Variants in PTPRM observed in about 807,000 individuals in gnomAD.
PTPRM encodes receptor-type tyrosine-protein phosphatase mu.
A neutral mutation model predicts 186.7 loss-of-function variants in PTPRM; 47 were observed. That is an observed-to-expected ratio of 0.25 (90% CI 0.20 to 0.32). The LOEUF (loss-of-function observed/expected upper bound fraction) is 0.32, where lower values mean the gene tolerates loss of function less well. Ranked by LOEUF, PTPRM falls within the 10% of genes least tolerant of loss-of-function variation. PTPRM has a pLI of 1.00. For missense variants in PTPRM, 1,494 were observed against 1,865.0 expected (o/e 0.80, Z 3.66); for synonymous variants, 668 against 674.9 (o/e 0.99, Z 0.16).
intron 22 of PTPRM, among the ~76,000 whole-genome samples, chr18:8,326,985 A>G (rs2095381125): frequency 1.3e-5 from 2 of 152,222 alleles, no homozygotes; most frequent in Admixed American, 1.3e-4. Context: ...GACAAAGCAG[A>G]GTAGGTCTTA....
chr18:8,368,109 T>C (rs1281256709), intron 23 of PTPRM, among the ~76,000 whole-genome samples: 5 of 151,792 alleles, frequency 3.3e-5, no homozygotes, highest in Non-Finnish European at 7.4e-5. Context: ...ATATGTAGTT[T>C]TATATCTATC....
intron 7 of PTPRM, among the ~76,000 whole-genome samples, chr18:8,041,347 G>A (rs961614721): frequency 1.3e-5 from 2 of 152,038 alleles, no homozygotes; most frequent in African/African-American, 4.8e-5. Flanking sequence ...TACTCTTTCA[G>A]CTCCTTGGTG....
intron 19 of PTPRM, among the ~76,000 whole-genome samples, chr18:8,282,358 A>C (rs1230797556): frequency 6.6e-6 from 1 of 152,218 alleles, no homozygotes; most frequent in Non-Finnish European, 1.5e-5. Context: ...ATCTTTAAGC[A>C]GTTCTTAAAA....
intron 6 of PTPRM, among the ~76,000 whole-genome samples, chr18:7,952,815 G>A (rs147341800): frequency 0.022 from 3,285 of 152,158 alleles, 45 homozygotes; most frequent in African/African-American, 0.044. Context: ...AGACCAGCCC[G>A]GCCAACATGG....
intron 7 of PTPRM, among the ~76,000 whole-genome samples, chr18:7,962,833 G>A (rs2053770164): frequency 6.6e-6 from 1 of 152,204 alleles, no homozygotes; most frequent in Non-Finnish European, 1.5e-5. Flanking sequence ...TTTCTGTACA[G>A]AATTATCACT....
intron 14 of PTPRM, among the ~76,000 whole-genome samples, chr18:8,204,072 C>T (rs2093894031): frequency 6.6e-6 from 1 of 152,056 alleles, no homozygotes; most frequent in African/African-American, 2.4e-5. Flanking sequence ...AAAAATAAAC[C>T]CAAGAAATTC....
chr18:7,953,674 C>G (rs1215807376), intron 6 of PTPRM, among the ~76,000 whole-genome samples: 1 of 152,160 alleles, frequency 6.6e-6, no homozygotes, highest in Non-Finnish European at 1.5e-5. Context: ...AGACAACCAA[C>G]TCAACAAAGG....
chr18:8,244,751 A>G (rs1044013023), intron 15 of PTPRM, among the ~76,000 whole-genome samples: 2 of 152,126 alleles, frequency 1.3e-5, no homozygotes, highest in African/African-American at 4.8e-5. Flanking sequence ...GCCTTCCCAT[A>G]CTACTACCTG....
At chr18:7,966,687 G>A (rs986379360) in intron 7 of PTPRM, among the ~76,000 whole-genome samples, 3 of 147,776 alleles carry the variant, frequency 2.0e-5, no homozygotes, top group Non-Finnish European at 4.5e-5. Flanking sequence ...GTCAAAGAAA[G>A]GGGTGACGGG....
chr18:7,794,138 C>T (rs894955293), intron 2 of PTPRM, among the ~76,000 whole-genome samples: 1 of 152,174 alleles, frequency 6.6e-6, no homozygotes, highest in African/African-American at 2.4e-5. Context: ...TCCAATCTCA[C>T]GTGTGATCTG....
intron 1 of PTPRM, among the ~76,000 whole-genome samples, chr18:7,653,132 T>TATTATTATTATTATTATTATC: frequency 6.7e-6 from 1 of 149,260 alleles, no homozygotes; most frequent in Non-Finnish European, 1.5e-5. Context: ...TTATTATTAT[T>TATTATTATTATTATTATTATC]ATTATTATTA....
At chr18:8,324,577 G>A (rs1456131530) in intron 22 of PTPRM, among the ~76,000 whole-genome samples, 1 of 152,146 alleles carries the variant, frequency 6.6e-6, no homozygotes, top group African/African-American at 2.4e-5. Flanking sequence ...AAAGGTATTT[G>A]AACTTCCTAA....
At position 8,318,073 on chromosome 18, in the gene PTPRM, A is replaced by G. The variant is rs180802850; in HGVS notation, c.2920-1105A>G. ...GTTTTTAAGGGCAAAATGATCTAACATGTGCATTTAAGTTATCTGAGAAAT... is the reference window on the plus strand; with the variant it reads ...GTTTTTAAGGGCAAAATGATCTAACGTGTGCATTTAAGTTATCTGAGAAAT... On this transcript the variant is annotated intron_variant, in intron 21 of 32. Coordinates refer to ENST00000580170, the MANE Select transcript of PTPRM (RefSeq NM_001105244.2). Among the ~76,000 whole-genome samples the G allele has an allele frequency of 1.6e-3, 250 of 152,266 alleles. 1 individual carries two copies. The highest frequency in any genetic ancestry group is 1.9e-3 in the Non-Finnish European group (130 of 68,002).
intron 31 of PTPRM, among the ~76,000 whole-genome samples, chr18:8,388,981 C>A (rs1048710287): frequency 5.3e-5 from 8 of 152,134 alleles, no homozygotes; most frequent in Middle Eastern, 3.4e-3. Context: ...AAAAAAAAAT[C>A]TCTATCAAGA....
At chr18:8,087,552 A>G (rs571539845) in intron 10 of PTPRM, among the ~76,000 whole-genome samples, 43 of 152,266 alleles carry the variant, frequency 2.8e-4, no homozygotes, top group African/African-American at 8.7e-4. Context: ...TCATTAGCCT[A>G]TATGGCTCAT....
chr18:8,394,458 T>C lies in PTPRM; in HGVS notation c.4209-18T>C, dbSNP rs1337459180. The C allele has an allele frequency of 6.2e-7, 1 of 1,602,492 alleles. No homozygotes were observed. The highest frequency in any genetic ancestry group is 1.1e-5 in the South Asian group (1 of 89,048). ...TAAAGACAGACCGAGTGCAGTCATC[T>C]GATCTTTTTCACGACAGGAACGGGG... On this transcript the variant is annotated intron_variant, in intron 31 of 32. Coordinates refer to ENST00000580170, the MANE Select transcript of PTPRM (RefSeq NM_001105244.2).
rs34633889 is a variant in PTPRM, at chr18:8,189,288, CA to C, written c.2300+45525del. On this transcript the variant is annotated intron_variant, in intron 14 of 32. Transcript: ENST00000580170. ...ATCTGGGTAAGAGCAAGACTCGTCTCAAAAAAAAAAAAAAAAGGTCTCAGGG... is the reference window on the plus strand; with the variant it reads ...ATCTGGGTAAGAGCAAGACTCGTCTCAAAAAAAAAAAAAAAGGTCTCAGGG... Among the ~76,000 whole-genome samples, 271 of 116,480 alleles carry C rather than the reference CA, an allele frequency of 2.3e-3. 2 individuals are homozygous for C. In the South Asian group the frequency reaches 0.024, roughly 10 times the overall value. 76.4% of individuals were successfully genotyped at this position (116,480 alleles called of 152,430 possible).
In PTPRM at chr18:8,380,437, G is replaced by A. The variant is rs374969694; in HGVS notation, c.3918+10G>A. 1.5e-4 allele frequency: 238 copies of A among 1,614,024 alleles called. No individual in the cohort carries two copies. The highest frequency in any genetic ancestry group is 2.7e-4 in the East Asian group (12 of 44,884). ...TGTGGATCCTGCCCAGGTGAGACCC[G>A]GACTTCTTACAGTCAGAACTAGTGC... On this transcript the variant is annotated intron_variant, in intron 29 of 32. Coordinates refer to ENST00000580170, the MANE Select transcript of PTPRM (RefSeq NM_001105244.2).
rs1456641129 is a variant in PTPRM, at chr18:8,247,923, A to T, written c.2527+4A>T. On this transcript the variant is annotated splice_donor_region_variant and intron_variant, in intron 16 of 32. Coordinates refer to ENST00000580170, the MANE Select transcript of PTPRM (RefSeq NM_001105244.2). ...GTGCCTAATTCCTATTACCCAGGTA[A>T]CAGTTTTTTCCATTGTCTCCTCTCT... The T allele has an allele frequency of 6.3e-7, 1 of 1,577,166 alleles. No homozygotes were observed. Among genetic ancestry groups the T allele is most frequent in the Non-Finnish European group, 8.7e-7 (1 of 1,146,348 alleles).
Sources: gnomAD v4.1 joint callset for allele counts (sites outside exome capture counted in the v4.1 genomes callset) on GRCh38, gnomAD v4.1.1 for gene constraint, MANE v1.5 for transcripts, NCBI Gene and HGNC (gene_info 2026-07-23, HGNC 2026-07-21) for gene names.